The following ADCY2 variants were observed in gnomAD, a reference collection of about 807,000 sequenced individuals.
ADCY2 encodes adenylate cyclase type 2.
ADCY2 carries 31 observed loss-of-function variants against 125.2 expected under a neutral mutation model. The ratio of observed to expected loss-of-function variants is 0.25; its 90% confidence interval spans 0.19 to 0.33. ADCY2 has a LOEUF of 0.33. Ranked by LOEUF, ADCY2 falls within the 10% of genes least tolerant of loss-of-function variation. ADCY2 has a pLI of 1.00. For synonymous variants in ADCY2, 512 were observed against 548.4 expected (o/e 0.93, Z 0.93); for missense variants, 904 against 1,418.2 (o/e 0.64, Z 5.82).
At chr5:7,526,024 C>G (rs1056210673) in intron 3 of ADCY2, among the ~76,000 whole-genome samples, 2 of 152,046 alleles carry the variant, frequency 1.3e-5, no homozygotes, top group Non-Finnish European at 2.9e-5. Flanking sequence ...AGCTCTGATA[C>G]CCCTTGCGTG....
intron 3 of ADCY2, among the ~76,000 whole-genome samples, chr5:7,553,829 G>A (rs1335643064): frequency 6.6e-6 from 1 of 152,212 alleles, no homozygotes; most frequent in Non-Finnish European, 1.5e-5. Flanking sequence ...TCAATCCAGA[G>A]CACCTTACCC....
intron 17 of ADCY2, among the ~76,000 whole-genome samples, chr5:7,772,364 T>C (rs1323823886): frequency 6.6e-6 from 1 of 152,156 alleles, no homozygotes; most frequent in Admixed American, 6.5e-5. Context: ...CCTGTCAAAC[T>C]CCCGGGGGGA....
rs74435270 is a variant in ADCY2 at position 7,690,211 on chromosome 5, C to T, written c.721-480C>T. On this transcript the variant is annotated intron_variant, in intron 4 of 24. Transcript: ENST00000338316. ...GAGGATTAGGTGCTTATAGAGGAAACGAAATCTTTGGAAGTATATATCTTA... is the reference window on the plus strand; with the variant it reads ...GAGGATTAGGTGCTTATAGAGGAAATGAAATCTTTGGAAGTATATATCTTA... Among the ~76,000 whole-genome samples, 241 of 152,108 alleles carry T rather than the reference C, an allele frequency of 1.6e-3. 1 individual carries two copies. The highest frequency in any genetic ancestry group is 9.1e-3 in the East Asian group (47 of 5,180).
chr5:7,514,296 G>T (rs575222758), intron 2 of ADCY2, among the ~76,000 whole-genome samples: 4 of 152,210 alleles, frequency 2.6e-5, no homozygotes, highest in African/African-American at 9.6e-5. Flanking sequence ...ATCCATGACC[G>T]TGATCTACAT....
chr5:7,542,367 A>G lies in ADCY2; in HGVS notation c.570+21468A>G, dbSNP rs189849443. 3.8e-3 allele frequency among the ~76,000 whole-genome samples: 571 copies of G among 152,190 alleles called. 5 individuals carry two copies. Among genetic ancestry groups the G allele is most frequent in the Admixed American group, 0.014 (209 of 15,296 alleles). Reference sequence around the variant, plus strand: ...AGACAGGTAAAATATTACAGAAAAAAAAAAATGGATCTCTTCGAGGCCATT... The same window carrying G: ...AGACAGGTAAAATATTACAGAAAAAGAAAAATGGATCTCTTCGAGGCCATT... On this transcript the variant is annotated intron_variant, in intron 3 of 24. Coordinates refer to ENST00000338316, the MANE Select transcript of ADCY2 (RefSeq NM_020546.3).
intron 3 of ADCY2, among the ~76,000 whole-genome samples, chr5:7,593,716 TG>T (rs1306333131): frequency 6.6e-6 from 1 of 152,044 alleles, no homozygotes; most frequent in Non-Finnish European, 1.5e-5. Context: ...TTTTTCAAGA[TG>T]TTGGGGAAAG....
At chr5:7,697,686 T>C (rs1740939393) in intron 6 of ADCY2, among the ~76,000 whole-genome samples, 1 of 152,194 alleles carries the variant, frequency 6.6e-6, no homozygotes, top group Non-Finnish European at 1.5e-5. Flanking sequence ...CAGTTGAGCC[T>C]AAGATGAGAA....
intron 22 of ADCY2, among the ~76,000 whole-genome samples, chr5:7,812,521 A>T (rs1202240095): frequency 2.6e-5 from 4 of 152,196 alleles, no homozygotes; most frequent in Non-Finnish European, 5.9e-5. Flanking sequence ...GCATCTCTAC[A>T]CTATCATGAA....
intron 3 of ADCY2, among the ~76,000 whole-genome samples, chr5:7,536,747 T>A (rs1734825076): frequency 6.6e-6 from 1 of 151,298 alleles, no homozygotes; most frequent in Non-Finnish European, 1.5e-5. Context: ...CACCACATGT[T>A]CTCACTCATA....
At chr5:7,401,021 C>G (rs1030476942) in intron 1 of ADCY2, among the ~76,000 whole-genome samples, 4 of 152,172 alleles carry the variant, frequency 2.6e-5, no homozygotes, top group African/African-American at 9.7e-5. Context: ...GAGCATCTGC[C>G]TGTGTGGGAG....
At chr5:7,659,261 A>G (rs1381027943) in intron 4 of ADCY2, among the ~76,000 whole-genome samples, 1 of 152,260 alleles carries the variant, frequency 6.6e-6, no homozygotes, top group African/African-American at 2.4e-5. Context: ...CCAGTTAAAT[A>G]ATGTGTAACT....
intron 2 of ADCY2, among the ~76,000 whole-genome samples, chr5:7,497,000 A>G (rs1743367075): frequency 6.6e-6 from 1 of 152,168 alleles, no homozygotes; most frequent in East Asian, 1.9e-4. Flanking sequence ...TAATTTCCCA[A>G]CTACACTTGA....
chr5:7,446,301 T>C lies in ADCY2; in HGVS notation c.408+31531T>C, dbSNP rs921997629. Among the ~76,000 whole-genome samples, 8 of 152,340 alleles carry C rather than the reference T, an allele frequency of 5.3e-5. No individual in the cohort carries two copies. The East Asian group carries it at 1.5e-3, about 29-fold the overall frequency. On this transcript the variant is annotated intron_variant, in intron 2 of 24. Transcript: ENST00000338316. ...TAAGAAACTTGATTGTTCGTTGTAG[T>C]CTCTGGCATTATAAAGCACCTGTAT...
intron 3 of ADCY2, among the ~76,000 whole-genome samples, chr5:7,550,404 A>G (rs1338143877): frequency 6.6e-6 from 1 of 152,200 alleles, no homozygotes; most frequent in African/African-American, 2.4e-5. Flanking sequence ...ACTGTGGAAA[A>G]TGAGACTTTG....
At chr5:7,473,004 G>T (rs1194749331) in intron 2 of ADCY2, among the ~76,000 whole-genome samples, 3 of 151,574 alleles carry the variant, frequency 2.0e-5, no homozygotes, top group Admixed American at 2.0e-4. Flanking sequence ...GGGATTCTTT[G>T]TTGTACTGGC....
intron 2 of ADCY2, among the ~76,000 whole-genome samples, chr5:7,426,809 A>G (rs1050015194): frequency 6.6e-6 from 1 of 152,134 alleles, no homozygotes; most frequent in Admixed American, 6.5e-5. Context: ...CTTTGAGGTC[A>G]TGGCTCCTTT....
At chr5:7,707,167 A>T (rs1386514465) in intron 8 of ADCY2, among the ~76,000 whole-genome samples, 2 of 152,238 alleles carry the variant, frequency 1.3e-5, no homozygotes, top group South Asian at 4.1e-4. Flanking sequence ...AAATGTATGA[A>T]TAGAGATCTG....
intron 2 of ADCY2, among the ~76,000 whole-genome samples, chr5:7,475,309 T>C (rs953921980): frequency 6.6e-6 from 1 of 151,978 alleles, no homozygotes; most frequent in Non-Finnish European, 1.5e-5. Flanking sequence ...ATCCGTGGTC[T>C]GGAGAATGGA....
chr5:7,447,291 C>T (rs915817632), intron 2 of ADCY2, among the ~76,000 whole-genome samples: 2 of 152,228 alleles, frequency 1.3e-5, no homozygotes, highest in African/African-American at 2.4e-5. Flanking sequence ...CGGCCCTGCA[C>T]ACTGAGGTCT....
Sources: allele counts gnomAD v4.1 joint callset (sites outside exome capture counted in the v4.1 genomes callset), GRCh38; gene constraint gnomAD v4.1.1; transcripts MANE v1.5; gene names NCBI Gene and HGNC (gene_info 2026-07-23, HGNC 2026-07-21).